RSRC1: variants seen among roughly 807,000 people sequenced by gnomAD.
The protein encoded by RSRC1 is arginine and serine rich coiled-coil 1.
Under a neutral mutation model 49.1 loss-of-function variants are expected in RSRC1, and 39 were observed. That is an observed-to-expected ratio of 0.79 (90% confidence interval 0.61 to 1.04). RSRC1 has a LOEUF of 1.04. Among genes scored for constraint, RSRC1 ranks in the 50% least tolerant of loss-of-function variants. The probability of loss-of-function intolerance (pLI) is 0.00; values close to 1 mark genes in which losing one functional copy is unlikely to be tolerated. For synonymous variants in RSRC1, 143 were observed against 130.8 expected (o/e 1.09, Z -0.63); for missense variants, 388 against 402.4 (o/e 0.96, Z 0.31).
intron 6 of RSRC1, among the ~76,000 whole-genome samples, chr3:158,440,191 GTTCT>G (rs79548355): frequency 0.42 from 63,921 of 151,300 alleles, 14,349 homozygotes; most frequent in South Asian, 0.6. Context: ...GTTGGAAAAA[GTTCT>G]TCGTGTTTGA....
chr3:158,544,870 A>G lies in RSRC1; in HGVS notation c.*595A>G, dbSNP rs1713236716. ...AGATGCTCCTTTACAACATGTTAGCAGATCTCAGCTCATTGTTTTAGAAAT... is the reference window on the plus strand; with the variant it reads ...AGATGCTCCTTTACAACATGTTAGCGGATCTCAGCTCATTGTTTTAGAAAT... On this transcript the variant is annotated 3_prime_UTR_variant, in exon 10 of 10. Transcript: ENST00000611884. 1 of 152,256 alleles carries G rather than the reference A, an allele frequency of 6.6e-6. No homozygotes were observed. The highest frequency in any genetic ancestry group is 2.4e-5 in the African/African-American group (1 of 41,462). The allele number at this position is 152,256 out of a possible 1,614,324, so 9.4% of individuals were successfully genotyped here.
At chr3:158,148,259 GT>G (rs1437614045) in intron 3 of RSRC1, among the ~76,000 whole-genome samples, 1 of 152,062 alleles carries the variant, frequency 6.6e-6, no homozygotes, top group African/African-American at 2.4e-5. Flanking sequence ...ATCAATAATT[GT>G]ATGGGGTCAT....
chr3:158,500,946 C>A (rs533926498), intron 7 of RSRC1, among the ~76,000 whole-genome samples: 2 of 151,898 alleles, frequency 1.3e-5, no homozygotes, highest in African/African-American at 4.8e-5. Context: ...TGAGGTGTGA[C>A]CTTAGAATGT....
At chr3:158,393,846 C>T (rs565197955) in intron 6 of RSRC1, among the ~76,000 whole-genome samples, 1 of 151,936 alleles carries the variant, frequency 6.6e-6, no homozygotes, top group East Asian at 1.9e-4. Flanking sequence ...GCTAGAGACA[C>T]AGCAAAAAAA....
intron 6 of RSRC1, among the ~76,000 whole-genome samples, chr3:158,420,366 G>T (rs1281031974): frequency 1.3e-5 from 2 of 152,038 alleles, no homozygotes; most frequent in Admixed American, 1.3e-4. Context: ...CAGTAAATTA[G>T]CTAAACAGAC....
chr3:158,382,850 GA>G (rs1195876855), intron 6 of RSRC1, among the ~76,000 whole-genome samples: 1 of 152,030 alleles, frequency 6.6e-6, no homozygotes, highest in Non-Finnish European at 1.5e-5. Flanking sequence ...TTTAACTCTT[GA>G]ATTTTTTTGG....
intron 4 of RSRC1, among the ~76,000 whole-genome samples, chr3:158,231,737 C>A (rs1355034155): frequency 6.6e-6 from 1 of 152,068 alleles, no homozygotes; most frequent in African/African-American, 2.4e-5. Context: ...TTGAGACATG[C>A]TGACTATATT....
chr3:158,298,056 A>C lies in RSRC1; in HGVS notation c.512A>C (p.Lys171Thr), dbSNP rs1727336199. Residue 171 changes from lysine (K) to threonine (T), a missense_variant, in exon 5 of 10, where the codon AAA (lysine) becomes ACA (threonine). Transcript: ENST00000611884. The stretch of plus-strand genomic sequence containing the variant: ...TATTTTAGGGAATCTGGAAACATCA[A>C]AGCTGGATTAGAACATCTGGTAAGT... Reference protein sequence around the residue: ...NIKRGESGNIKAGLEHLPPAE... With the variant: ...NIKRGESGNITAGLEHLPPAE... 2 of 1,605,568 alleles carry C rather than the reference A, an allele frequency of 1.2e-6. No homozygotes were observed. Among genetic ancestry groups the C allele is most frequent in the South Asian group, 2.2e-5 (2 of 90,816 alleles).
intron 5 of RSRC1, among the ~76,000 whole-genome samples, chr3:158,307,863 T>A (rs1270789582): frequency 6.6e-6 from 1 of 151,954 alleles, no homozygotes; most frequent in Non-Finnish European, 1.5e-5. Flanking sequence ...ATTTAACAGA[T>A]GTGCTATTTT....
At chr3:158,150,658 C>T (rs1717469235) in intron 3 of RSRC1, among the ~76,000 whole-genome samples, 1 of 152,052 alleles carries the variant, frequency 6.6e-6, no homozygotes, top group African/African-American at 2.4e-5. Flanking sequence ...TGTTCCTTGG[C>T]TTAGCTTGGT....
intron 4 of RSRC1, among the ~76,000 whole-genome samples, chr3:158,233,971 G>T (rs1723104398): frequency 6.6e-6 from 1 of 152,108 alleles, no homozygotes; most frequent in Non-Finnish European, 1.5e-5. Flanking sequence ...TGAATAAGTG[G>T]CAGATAGCTT....
chr3:158,379,962 G>C (rs921934788), intron 6 of RSRC1, among the ~76,000 whole-genome samples: 5 of 151,712 alleles, frequency 3.3e-5, no homozygotes, highest in African/African-American at 9.7e-5. Context: ...ATCAGGGTAA[G>C]GATTGTTATC....
intron 7 of RSRC1, among the ~76,000 whole-genome samples, chr3:158,513,452 T>C (rs923369096): frequency 2.0e-5 from 3 of 152,136 alleles, no homozygotes; most frequent in East Asian, 1.9e-4. Context: ...AGCCTTGCAT[T>C]CCAGGGATGA....
intron 3 of RSRC1, among the ~76,000 whole-genome samples, chr3:158,157,190 G>T (rs978380768): frequency 2.0e-5 from 3 of 152,134 alleles, no homozygotes; most frequent in Non-Finnish European, 4.4e-5. Context: ...TGTTAACATT[G>T]AATTAAAATA....
chr3:158,132,561 A>G (rs957605976), intron 3 of RSRC1, among the ~76,000 whole-genome samples: 1 of 152,142 alleles, frequency 6.6e-6, no homozygotes, highest in Admixed American at 6.5e-5. Flanking sequence ...TTTGAACTTA[A>G]AAATTAGGTT....
At chr3:158,203,881 A>T in intron 4 of RSRC1, among the ~76,000 whole-genome samples, 1 of 152,198 alleles carries the variant, frequency 6.6e-6, no homozygotes, top group East Asian at 1.9e-4. Context: ...AAATCCACTC[A>T]TAAGTGTTTG....
chr3:158,334,226 T>A (rs949419544), intron 5 of RSRC1, among the ~76,000 whole-genome samples: 6 of 152,084 alleles, frequency 3.9e-5, no homozygotes, highest in African/African-American at 9.7e-5. Context: ...TTAGAAAAAA[T>A]TTAGGAACCT....
intron 6 of RSRC1, among the ~76,000 whole-genome samples, chr3:158,379,981 T>G (rs909768121): frequency 1.3e-5 from 2 of 152,090 alleles, no homozygotes; most frequent in Non-Finnish European, 2.9e-5. Flanking sequence ...TCTGCTTTGT[T>G]CACTTTTGGA....
intron 6 of RSRC1, among the ~76,000 whole-genome samples, chr3:158,357,519 A>G (rs994066584): frequency 1.3e-5 from 2 of 152,158 alleles, no homozygotes; most frequent in African/African-American, 4.8e-5. Flanking sequence ...TATTGTTTTT[A>G]ATGAGAACTT....
Sources: allele counts gnomAD v4.1 joint callset (sites outside exome capture counted in the v4.1 genomes callset), GRCh38; gene constraint gnomAD v4.1.1; transcripts MANE v1.5; gene names NCBI Gene and HGNC (gene_info 2026-07-23, HGNC 2026-07-21).